The following MYOM2 variants were observed in gnomAD, a reference collection of about 807,000 sequenced individuals.
MYOM2 encodes the protein myomesin-2.
Under a neutral mutation model 187.6 loss-of-function variants are expected in MYOM2, and 254 were observed. That is an observed-to-expected ratio of 1.35 (90% confidence interval 1.22 to 1.50). The LOEUF is 1.50. Ranked by LOEUF, MYOM2 falls within the 40% of genes most tolerant of loss-of-function variation. MYOM2 has a pLI of 0.00. For synonymous variants in MYOM2, 981 were observed against 753.8 expected, an observed-to-expected ratio of 1.30 and a Z score of -4.94; for missense variants, 2,796 against 1,924.0, an observed-to-expected ratio of 1.45 and a Z score of -8.48.
chr8:2,120,529 G>A (rs1309208222), intron 28 of MYOM2, among the ~76,000 whole-genome samples: 2 of 150,120 alleles, frequency 1.3e-5, no homozygotes, highest in Non-Finnish European at 3.0e-5. Context: ...TGGGGGTTTG[G>A]AACTAGGTGG....
Position 2,050,850 on chromosome 8 carries a change from G to A in MYOM2, c.84G>A (p.Leu28=). The change falls in exon 2 of 37, where the codon CTG becomes CTA. Residue 28 remains leucine (L), a synonymous_variant. Transcript: ENST00000262113. ...QSYRNIQTRY[L]LDEYASKKRA... is the part of the protein sequence containing the mutation. ...ACCGTAATATTCAAACACGGTACCT[G>A]CTGGACGAATATGCGTCAAAAAAGT... is the stretch of plus-strand genomic sequence containing the variant. The A allele has an allele frequency of 1.2e-6, 2 of 1,611,432 alleles. No individual in the cohort carries two copies. The highest frequency in any genetic ancestry group is 1.7e-6 in the Non-Finnish European group (2 of 1,177,724).
At chr8:2,112,953 AG>A (rs1797115645) in intron 25 of MYOM2, among the ~76,000 whole-genome samples, 1 of 152,250 alleles carries the variant, frequency 6.6e-6, no homozygotes, top group South Asian at 2.1e-4. Flanking sequence ...ACAGGTTATT[AG>A]TTTTTTGTTT....
At chr8:2,141,001 T>A in intron 33 of MYOM2, 115 bp downstream of exon 33, 1 of 1,343,788 alleles carries the variant, frequency 7.4e-7, no homozygotes, top group Non-Finnish European at 1.0e-6. Context: ...CAATTTTCAT[T>A]TAGAGAAAAT....
At chr8:2,084,564 A>G (rs1819742626) in intron 13 of MYOM2, among the ~76,000 whole-genome samples, 1 of 152,236 alleles carries the variant, frequency 6.6e-6, no homozygotes, top group Non-Finnish European at 1.5e-5. Context: ...AAAATCTCCT[A>G]TAAATTCAAA....
chr8:2,116,373 C>A (rs112642276), intron 27 of MYOM2, 98 bp downstream of exon 27: 48 of 1,175,042 alleles, frequency 4.1e-5, no homozygotes, highest in African/African-American at 3.9e-4. Context: ...TCCCAAGCAA[C>A]CCTAAAGGCT....
intron 17 of MYOM2, among the ~76,000 whole-genome samples, chr8:2,095,730 G>T (rs528710065): frequency 2.0e-5 from 3 of 152,280 alleles, no homozygotes; most frequent in African/African-American, 7.2e-5. Context: ...GGAGAAGGCG[G>T]TCCGTTTCAA....
intron 1 of MYOM2, among the ~76,000 whole-genome samples, chr8:2,048,732 G>C (rs1296707364): frequency 2.6e-5 from 4 of 151,990 alleles, no homozygotes; most frequent in African/African-American, 7.2e-5. Context: ...TTCAATATCA[G>C]GGCGGGTGGA....
chr8:2,144,360 G>A (rs943623592), intron 36 of MYOM2, among the ~76,000 whole-genome samples: 1 of 152,180 alleles, frequency 6.6e-6, no homozygotes, highest in Non-Finnish European at 1.5e-5. Context: ...AAAACATAGA[G>A]CTTAATTAAA....
intron 13 of MYOM2, among the ~76,000 whole-genome samples, chr8:2,084,358 A>G (rs1015141373): frequency 1.3e-5 from 2 of 152,224 alleles, no homozygotes; most frequent in South Asian, 4.1e-4. Flanking sequence ...CTTGCTTTGT[A>G]CTATTTCCAT....
intron 28 of MYOM2, among the ~76,000 whole-genome samples, chr8:2,122,189 TTAAAG>T (rs1469142428): frequency 6.6e-6 from 1 of 151,940 alleles, no homozygotes; most frequent in South Asian, 2.1e-4. Flanking sequence ...TTTTGAAATG[TTAAAG>T]TAAAGGGAAT....
intron 25 of MYOM2, among the ~76,000 whole-genome samples, chr8:2,115,121 C>A (rs1797195904): frequency 2.7e-5 from 4 of 146,266 alleles, no homozygotes; most frequent in Admixed American, 6.8e-5. Context: ...TATCAAGAAG[C>A]ACAAAAAGGT....
At chr8:2,115,262 A>C (rs1262007170) in intron 25 of MYOM2, among the ~76,000 whole-genome samples, 1 of 152,184 alleles carries the variant, frequency 6.6e-6, no homozygotes, top group Non-Finnish European at 1.5e-5. Context: ...AAAAGTTAAT[A>C]AGTAAACATC....
Position 2,076,572 on chromosome 8 carries a change from G to A in MYOM2, c.1262+290G>A, listed in dbSNP as rs913145420. 1.4e-5 allele frequency: 5 copies of A among 369,302 alleles called. No homozygotes were observed. The Admixed American group carries it at 2.2e-4, about 16-fold the overall frequency. 22.9% of individuals were successfully genotyped at this position (369,302 alleles called of 1,614,324 possible). ...ACCAACGTCTTCAGGCTCACTCTGA[G>A]CCCCGCGCTGTGGTTCTGCTGAGGT... On this transcript the variant is annotated intron_variant, in intron 11 of 36. Coordinates refer to ENST00000262113, the MANE Select transcript of MYOM2 (RefSeq NM_003970.4).
At chr8:2,065,088 C>G (rs1246955994) in intron 6 of MYOM2, among the ~76,000 whole-genome samples, 2 of 152,190 alleles carry the variant, frequency 1.3e-5, no homozygotes, top group African/African-American at 2.4e-5. Context: ...AAAATGTTTT[C>G]AAGTACATTG....
intron 11 of MYOM2, 44 bp from the exon 12 acceptor site, chr8:2,078,690 C>G: frequency 6.3e-7 from 1 of 1,587,622 alleles, no homozygotes; most frequent in Non-Finnish European, 8.6e-7. Context: ...TAGTAGGTTG[C>G]CACATTTGCT....
intron 14 of MYOM2, among the ~76,000 whole-genome samples, chr8:2,086,343 G>GATCTCCGCGTGGCCACACACTGTCA (rs1796048903): frequency 8.4e-5 from 4 of 47,350 alleles, no homozygotes; most frequent in Non-Finnish European, 1.7e-4. Context: ...CCCCACTGTT[G>GATCTCCGCGTGGCCACACACTGTCA]TGATCTCTGC....
At chr8:2,070,177 G>A (rs962620611) in intron 8 of MYOM2, among the ~76,000 whole-genome samples, 4 of 152,234 alleles carry the variant, frequency 2.6e-5, no homozygotes, top group Non-Finnish European at 5.9e-5. Flanking sequence ...ATGCCCTTTC[G>A]AGGCAGCTTG....
intron 6 of MYOM2, among the ~76,000 whole-genome samples, chr8:2,065,796 C>T (rs1433534657): frequency 6.6e-6 from 1 of 152,166 alleles, no homozygotes; most frequent in Non-Finnish European, 1.5e-5. Context: ...GCCCCGGTAC[C>T]CATGAGTTAA....
rs1349029304 is a variant in MYOM2, at chr8:2,086,385, CCT to C, written c.1644+997_1644+998del. On this transcript the variant is annotated intron_variant, in intron 14 of 36. Coordinates refer to ENST00000262113, the MANE Select transcript of MYOM2 (RefSeq NM_003970.4). The stretch of plus-strand genomic sequence containing the variant: ...TCCCACTGTTGTGATCTCTGCGTGG[CCT>C]CCCACTGTTGTGATCTCTGCGTGGC... Among the ~76,000 whole-genome samples the C allele has an allele frequency of 7.1e-4, 83 of 116,538 alleles. 12 individuals are homozygous for C. Among genetic ancestry groups the C allele is most frequent in the African/African-American group, 1.7e-3 (39 of 23,474 alleles). 76.5% of individuals were successfully genotyped at this position (116,538 alleles called of 152,430 possible).
Sources: gnomAD v4.1 joint callset for allele counts (sites outside exome capture counted in the v4.1 genomes callset) on GRCh38, gnomAD v4.1.1 for gene constraint, MANE v1.5 for transcripts, NCBI Gene and HGNC (gene_info 2026-07-23, HGNC 2026-07-21) for gene names.